SPTLC2: variants seen among roughly 807,000 people sequenced by gnomAD.
SPTLC2 encodes the protein serine palmitoyltransferase long chain base subunit 2.
A neutral mutation model predicts 62.0 loss-of-function variants in SPTLC2; 21 were observed. The observed-to-expected ratio is 0.34, with a 90% CI of 0.24 to 0.49. The LOEUF (loss-of-function observed/expected upper bound fraction) is 0.49. SPTLC2 is among the 20% of genes least tolerant of loss of function. The pLI is 0.99. For synonymous variants in SPTLC2, 261 were observed against 261.8 expected (o/e 1.00, Z 0.03); for missense variants, 511 against 713.0 (o/e 0.72, Z 3.23).
chr14:77,610,019 C>A (rs1203114040), intron 1 of SPTLC2, among the ~76,000 whole-genome samples: 1 of 152,224 alleles, frequency 6.6e-6, no homozygotes, highest in African/African-American at 2.4e-5. Context: ...GTGGCTGCAT[C>A]ATTTTATAAT....
chr14:77,614,169 C>G (rs954421722), intron 1 of SPTLC2, among the ~76,000 whole-genome samples: 50 of 152,148 alleles, frequency 3.3e-4, no homozygotes, highest in African/African-American at 1.2e-3. Context: ...CATGTTAGTA[C>G]CTTGATATTT....
intron 9 of SPTLC2, among the ~76,000 whole-genome samples, chr14:77,545,012 C>T (rs571135261): frequency 6.6e-6 from 1 of 152,226 alleles, no homozygotes; most frequent in African/African-American, 2.4e-5. Flanking sequence ...CTCTCCCCCA[C>T]TGGAAGACCC....
At chr14:77,532,784 AAAAAATAAAAAT>A (rs1229573519) in intron 9 of SPTLC2, among the ~76,000 whole-genome samples, 4 of 146,930 alleles carry the variant, frequency 2.7e-5, no homozygotes, top group African/African-American at 7.4e-5. Context: ...ACTCTGTCTC[AAAAAATAAAAAT>A]AAAAATAAAA....
At chr14:77,562,892 G>A (rs183607747) in intron 5 of SPTLC2, among the ~76,000 whole-genome samples, 1 of 152,286 alleles carries the variant, frequency 6.6e-6, no homozygotes. Context: ...GGTCATGTCT[G>A]TGGAAATGGT....
At chr14:77,543,922 A>C (rs2079514893) in intron 9 of SPTLC2, among the ~76,000 whole-genome samples, 1 of 152,176 alleles carries the variant, frequency 6.6e-6, no homozygotes, top group South Asian at 2.1e-4. Context: ...TTGTATCTTG[A>C]CTTCCAGTTT....
intron 3 of SPTLC2, 109 bp from the exon 4 acceptor site, chr14:77,577,024 T>C (rs2079720193): frequency 7.7e-7 from 1 of 1,294,262 alleles, no homozygotes; most frequent in Non-Finnish European, 1.1e-6. Context: ...AAAGTCTATA[T>C]TAAAAAAATC....
At chr14:77,579,578 G>A (rs375244711) in intron 2 of SPTLC2, among the ~76,000 whole-genome samples, 4 of 152,166 alleles carry the variant, frequency 2.6e-5, no homozygotes, top group African/African-American at 9.6e-5. Context: ...GCGAGACTCT[G>A]TCTCAACAAA....
At chr14:77,604,723 CG>C (rs2079895610) in intron 1 of SPTLC2, among the ~76,000 whole-genome samples, 1 of 151,782 alleles carries the variant, frequency 6.6e-6, no homozygotes, top group South Asian at 2.1e-4. Context: ...CAAAATTAGC[CG>C]GGCGTGGTGG....
At chr14:77,539,105 C>G (rs2140007272) in intron 9 of SPTLC2, among the ~76,000 whole-genome samples, 1 of 151,848 alleles carries the variant, frequency 6.6e-6, no homozygotes, top group Admixed American at 6.6e-5. Flanking sequence ...AACAAACGGT[C>G]TTTAAAAACT....
At chr14:77,606,591 A>T (rs1386289551) in intron 1 of SPTLC2, among the ~76,000 whole-genome samples, 2 of 151,448 alleles carry the variant, frequency 1.3e-5, no homozygotes, top group African/African-American at 2.4e-5. Flanking sequence ...CTCTTCTAGG[A>T]ATCCAAAGCC....
chr14:77,590,448 C>T (rs1344312186), intron 2 of SPTLC2, among the ~76,000 whole-genome samples: 7 of 152,288 alleles, frequency 4.6e-5, no homozygotes, highest in South Asian at 2.1e-4. Context: ...CAGTGGCTCA[C>T]GCCTGTAATC....
chr14:77,590,604 C>G (rs911096248), intron 2 of SPTLC2, among the ~76,000 whole-genome samples: 3 of 152,124 alleles, frequency 2.0e-5, no homozygotes, highest in Non-Finnish European at 2.9e-5. Flanking sequence ...CCCAGCCACT[C>G]TGGAGGCTGA....
intron 11 of SPTLC2, 81 bp from the exon 12 acceptor site, chr14:77,512,484 A>T (rs1358756049): frequency 6.3e-7 from 1 of 1,599,246 alleles, no homozygotes; most frequent in Non-Finnish European, 8.6e-7. Context: ...TGCTAAAAAC[A>T]ATCATGGCAA....
intron 5 of SPTLC2, among the ~76,000 whole-genome samples, chr14:77,564,291 AG>A (rs373162458): frequency 6.2e-5 from 5 of 80,326 alleles, no homozygotes; most frequent in African/African-American, 1.8e-4. Context: ...GAGGAAAAGG[AG>A]GAAGAGGAGG....
chr14:77,552,345 C>G, intron 8 of SPTLC2, 123 bp from the exon 9 acceptor site: 1 of 1,189,406 alleles, frequency 8.4e-7, no homozygotes, highest in Non-Finnish European at 1.2e-6. Flanking sequence ...GGACACTAAT[C>G]TGAGATACAA....
intron 9 of SPTLC2, among the ~76,000 whole-genome samples, chr14:77,525,672 A>T (rs1263549505): frequency 6.6e-6 from 1 of 152,156 alleles, no homozygotes; most frequent in African/African-American, 2.4e-5. Flanking sequence ...GCACTTTGGG[A>T]GGCTGAAGCG....
At chr14:77,538,347 G>A (rs1157523427) in intron 9 of SPTLC2, among the ~76,000 whole-genome samples, 2 of 152,160 alleles carry the variant, frequency 1.3e-5, no homozygotes, top group Non-Finnish European at 2.9e-5. Context: ...TCATAATGGG[G>A]ATGGGATCCT....
At chr14:77,529,867 C>G (rs1001469887) in intron 9 of SPTLC2, among the ~76,000 whole-genome samples, 1 of 151,872 alleles carries the variant, frequency 6.6e-6, no homozygotes, top group African/African-American at 2.4e-5. Context: ...ATGTGATCCA[C>G]CTGCCTGGCC....
At chr14:77,532,691 G>A (rs557473801) in intron 9 of SPTLC2, among the ~76,000 whole-genome samples, 2 of 152,226 alleles carry the variant, frequency 1.3e-5, no homozygotes, top group African/African-American at 4.8e-5. Context: ...GGCTGAGGCA[G>A]GAGAATGGTG....
Sources: gnomAD v4.1 joint callset for allele counts (sites outside exome capture counted in the v4.1 genomes callset) on GRCh38, gnomAD v4.1.1 for gene constraint, MANE v1.5 for transcripts, NCBI Gene and HGNC (gene_info 2026-07-23, HGNC 2026-07-21) for gene names.